The following NXNL2 variants were observed in gnomAD, a reference collection of about 807,000 sequenced individuals.
NXNL2 encodes the protein nucleoredoxin like 2, also known as nucleoredoxin-like protein 2.
NXNL2 carries 7 observed loss-of-function variants against 11.1 expected under a neutral mutation model. That is an observed-to-expected ratio of 0.63 (90% CI 0.36 to 1.18). The LOEUF (loss-of-function observed/expected upper bound fraction) is 1.18. Ranked by LOEUF, NXNL2 falls within the 50% of genes most tolerant of loss-of-function variation. The probability of loss-of-function intolerance (pLI) is 0.02; values close to 1 mark genes in which losing one functional copy is unlikely to be tolerated. For missense variants in NXNL2, 233 were observed against 217.7 expected (o/e 1.07, Z -0.44); for synonymous variants, 109 against 101.8 (o/e 1.07, Z -0.42).
Position 88,553,219 on chromosome 9 carries a change from G to A in NXNL2, c.302+17483G>A, listed in dbSNP as rs187083180. 1.4e-4 allele frequency among the ~76,000 whole-genome samples: 21 copies of A among 152,278 alleles called. No homozygotes were observed. The East Asian group carries it at 2.7e-3, about 20-fold the overall frequency. On this transcript the variant is annotated intron_variant, in intron 1 of 2. Transcript: ENST00000375855. Reference sequence around the variant, plus strand: ...TTGCTAGCCCGGCTTGGTGATGTGCGCCTGTAATCCCAGCTACTCAGGAGG... The same window carrying A: ...TTGCTAGCCCGGCTTGGTGATGTGCACCTGTAATCCCAGCTACTCAGGAGG...
intron 1 of NXNL2, among the ~76,000 whole-genome samples, chr9:88,565,048 C>A (rs529489184): frequency 1.3e-5 from 2 of 152,268 alleles, no homozygotes; most frequent in Admixed American, 1.3e-4. Context: ...TGGCAACCAC[C>A]ATTCTACTCT....
intron 1 of NXNL2, among the ~76,000 whole-genome samples, chr9:88,563,737 T>A (rs1225611154): frequency 6.6e-6 from 1 of 152,050 alleles, no homozygotes; most frequent in Non-Finnish European, 1.5e-5. Flanking sequence ...CACCACCCTC[T>A]CCTCTCAAGA....
At position 88,544,738 on chromosome 9, in the gene NXNL2, G is replaced by T; in HGVS notation, c.*191G>T. 7.3e-7 allele frequency: 1 copy of T among 1,365,052 alleles called. No individual in the cohort carries two copies. Among genetic ancestry groups the T allele is most frequent in the East Asian group, 2.9e-5 (1 of 34,832 alleles). 84.6% of individuals were successfully genotyped at this position (1,365,052 alleles called of 1,614,324 possible). A position where few individuals can be genotyped will look rare whatever the true frequency, so the allele number is the denominator to read the frequency against. ...TACACTCCATATTTTGATCATGCAG[G>T]CTGTTTGTATTATAGTTATTTTTGT... On this transcript the variant is annotated 3_prime_UTR_variant, in exon 2 of 2. Transcript: ENST00000375854.
At chr9:88,564,190 G>A (rs1363075409) in intron 1 of NXNL2, among the ~76,000 whole-genome samples, 2 of 147,892 alleles carry the variant, frequency 1.4e-5, no homozygotes, top group East Asian at 4.1e-4. Context: ...CAGCCTGGGG[G>A]ACAAGAGCGA....
chr9:88,535,918 C>G (rs1479461103), intron 1 of NXNL2, among the ~76,000 whole-genome samples, 182 bp downstream of exon 1: 3 of 151,960 alleles, frequency 2.0e-5, no homozygotes, highest in South Asian at 2.1e-4. Context: ...CTCTTGGAGA[C>G]CAGGGAGGGT....
chr9:88,570,775 T>C (rs1057050390), intron 1 of NXNL2, among the ~76,000 whole-genome samples: 7 of 152,146 alleles, frequency 4.6e-5, no homozygotes, highest in African/African-American at 1.7e-4. Flanking sequence ...TGGAGTCTCA[T>C]TCTGTCGCCC....
intron 1 of NXNL2, among the ~76,000 whole-genome samples, chr9:88,564,273 TCTATCTATCTATTATC>T (rs1397931804): frequency 2.4e-4 from 31 of 126,880 alleles, no homozygotes; most frequent in African/African-American, 8.9e-4. Flanking sequence ...TATCTGTCTA[TCTATCTATCTATTATC>T]TATCTATCTA....
At chr9:88,543,185 A>G (rs79068384) in intron 1 of NXNL2, among the ~76,000 whole-genome samples, 2,357 of 152,314 alleles carry the variant, frequency 0.015, 62 homozygotes, top group African/African-American at 0.053. Context: ...TCTCATCATG[A>G]TAATGGCAAT....
At chr9:88,543,669 C>G (rs986673971) in intron 1 of NXNL2, among the ~76,000 whole-genome samples, 6 of 152,162 alleles carry the variant, frequency 3.9e-5, no homozygotes, top group African/African-American at 1.2e-4. Context: ...TAGACCTGCA[C>G]TATCCAATCT....
At chr9:88,576,460 T>C (rs1830350064), downstream of NXNL2, among the ~76,000 whole-genome samples, 1 of 152,288 alleles carries the variant, frequency 6.6e-6, no homozygotes, top group East Asian at 1.9e-4. Flanking sequence ...ATTCTCCCCG[T>C]GCAGGGTGAG....
chr9:88,564,323 ATCG>A (rs752200314), intron 1 of NXNL2, among the ~76,000 whole-genome samples: 18 of 144,846 alleles, frequency 1.2e-4, no homozygotes, highest in South Asian at 2.2e-4. Context: ...CTATCTATCT[ATCG>A]TCTATTTATA....
At chr9:88,545,700 T>C (rs1400044047), downstream of NXNL2, among the ~76,000 whole-genome samples, 1 of 152,112 alleles carries the variant, frequency 6.6e-6, no homozygotes, top group African/African-American at 2.4e-5. Flanking sequence ...GTGCCCCAAA[T>C]AAGTCATGTA....
exon 3 of NXNL2, chr9:88,575,728 G>T (rs188506540): frequency 1.3e-5 from 2 of 152,250 alleles, no homozygotes; most frequent in East Asian, 3.9e-4. Context: ...TCATTTAATT[G>T]TACATTTAAA....
At chr9:88,566,499 C>CT (rs1830171912) in intron 1 of NXNL2, among the ~76,000 whole-genome samples, 1 of 152,110 alleles carries the variant, frequency 6.6e-6, no homozygotes. Flanking sequence ...GACAGGGTTT[C>CT]ACCATGTTGA....
At chr9:88,551,926 G>A (rs117646316) in intron 1 of NXNL2, among the ~76,000 whole-genome samples, 2,111 of 152,244 alleles carry the variant, frequency 0.014, 24 homozygotes, top group Middle Eastern at 0.027. Flanking sequence ...TTTCAGCCAC[G>A]TATTTCTCAA....
In NXNL2 at chr9:88,559,557, C is replaced by G. The variant is rs571221414; in HGVS notation, c.303-11530C>G. Among the ~76,000 whole-genome samples, 21 of 152,310 alleles carry G rather than the reference C, an allele frequency of 1.4e-4. No individual in the cohort carries two copies. The South Asian group carries it at 4.1e-3, about 30-fold the overall frequency. On this transcript the variant is annotated intron_variant, in intron 1 of 2. Transcript: ENST00000375855. ...CTTGCTCGACCTCATCCCTGCCATCCGTAGGCCTGTCCCTTGAATGGGGAT... is the reference window on the plus strand; with the variant it reads ...CTTGCTCGACCTCATCCCTGCCATCGGTAGGCCTGTCCCTTGAATGGGGAT...
intron 1 of NXNL2, among the ~76,000 whole-genome samples, chr9:88,540,071 G>T (rs974200832): frequency 6.6e-6 from 1 of 151,948 alleles, no homozygotes; most frequent in Non-Finnish European, 1.5e-5. Flanking sequence ...GGTGGCTCAC[G>T]CCTGTAATCC....
intron 1 of NXNL2, among the ~76,000 whole-genome samples, chr9:88,564,026 C>T (rs534759275): frequency 2.1e-4 from 32 of 152,084 alleles, no homozygotes; most frequent in African/African-American, 7.2e-4. Flanking sequence ...GCCTGGCCAA[C>T]ATGGTGAAAC....
downstream of NXNL2, among the ~76,000 whole-genome samples, chr9:88,549,902 G>A (rs1028082701): frequency 5.9e-5 from 9 of 152,082 alleles, no homozygotes; most frequent in African/African-American, 2.2e-4. Context: ...TGCTATCACT[G>A]CAACCTCCGC....
Sources: allele counts gnomAD v4.1 joint callset (sites outside exome capture counted in the v4.1 genomes callset), GRCh38; gene constraint gnomAD v4.1.1; transcripts MANE v1.5; gene names NCBI Gene and HGNC (gene_info 2026-07-23, HGNC 2026-07-21).